Variants in ASTN2 observed in about 807,000 individuals in gnomAD.
ASTN2 encodes astrotactin-2.
A neutral mutation model predicts 139.8 loss-of-function variants in ASTN2; 54 were observed. That is an observed-to-expected ratio of 0.39 (90% CI 0.31 to 0.48). The LOEUF is 0.48. Among genes scored for constraint, ASTN2 ranks in the 20% least tolerant of loss-of-function variants. The probability of loss-of-function intolerance (pLI) is 0.95; values close to 1 mark genes in which losing one functional copy is unlikely to be tolerated. For synonymous variants in ASTN2, 756 were observed against 719.5 expected (o/e 1.05, Z -0.81); for missense variants, 1,565 against 1,725.1 (o/e 0.91, Z 1.64).
intron 19 of ASTN2, among the ~76,000 whole-genome samples, chr9:116,552,992 G>A (rs1220140668): frequency 6.6e-6 from 1 of 152,208 alleles, no homozygotes; most frequent in Non-Finnish European, 1.5e-5. Context: ...ACTCACTACA[G>A]AGAAAGTTCA....
intron 19 of ASTN2, among the ~76,000 whole-genome samples, chr9:116,501,141 C>A (rs574925009): frequency 2.8e-4 from 42 of 152,208 alleles, no homozygotes; most frequent in African/African-American, 9.6e-4. Context: ...GGGAGAAGAA[C>A]CCAAGCTCCA....
chr9:117,230,531 C>T (rs964146485), intron 2 of ASTN2, among the ~76,000 whole-genome samples: 5 of 152,144 alleles, frequency 3.3e-5, no homozygotes, highest in South Asian at 2.1e-4. Context: ...TCTATAAATA[C>T]CTTATTTCCA....
rs71379267 is a variant in ASTN2 at position 117,144,660 on chromosome 9, G to GTTTTTT, written c.1016-3188_1016-3183dup. ...TGACATTTGAGAGGAGTGAACACTA[G>GTTTTTT]TTTTTTTTTTTTTTTTTTTTTTTTT... On this transcript the variant is annotated intron_variant, in intron 3 of 22. Coordinates refer to ENST00000313400, the MANE Select transcript of ASTN2 (RefSeq NM_001365068.1). Among the ~76,000 whole-genome samples, 24 of 78,348 alleles carry GTTTTTT rather than the reference G, an allele frequency of 3.1e-4. 4 individuals carry two copies. The highest frequency in any genetic ancestry group is 9.4e-3 in the Middle Eastern group (1 of 106). 51.4% of individuals were successfully genotyped at this position (78,348 alleles called of 152,430 possible).
At chr9:117,327,138 A>G (rs1199474873) in intron 1 of ASTN2, among the ~76,000 whole-genome samples, 1 of 152,102 alleles carries the variant, frequency 6.6e-6, no homozygotes, top group African/African-American at 2.4e-5. Context: ...GCTCCTATGC[A>G]TATCTAATGC....
intron 1 of ASTN2, among the ~76,000 whole-genome samples, chr9:117,410,040 TTTTC>T (rs1308198815): frequency 2.0e-5 from 3 of 152,190 alleles, no homozygotes; most frequent in Non-Finnish European, 4.4e-5. Context: ...AATGAATAGC[TTTTC>T]TTTCTTCACA....
intron 1 of ASTN2, among the ~76,000 whole-genome samples, chr9:117,354,721 C>T (rs1829489344): frequency 6.6e-6 from 1 of 152,086 alleles, no homozygotes; most frequent in Admixed American, 6.6e-5. Context: ...CAACACAGGC[C>T]TTGCCTGATC....
chr9:117,187,067 C>T (rs990354655), intron 3 of ASTN2, among the ~76,000 whole-genome samples: 2 of 151,946 alleles, frequency 1.3e-5, no homozygotes, highest in African/African-American at 4.8e-5. Context: ...AGGCAGAGGT[C>T]ACAGTGAGCT....
chr9:117,127,239 G>A (rs1829711575), intron 4 of ASTN2, among the ~76,000 whole-genome samples: 3 of 152,200 alleles, frequency 2.0e-5, no homozygotes, highest in African/African-American at 7.2e-5. Flanking sequence ...AACGCAAGAT[G>A]ATTTCTTTGG....
intron 7 of ASTN2, 63 bp from the exon 8 acceptor site, chr9:116,976,848 G>T: frequency 6.8e-7 from 1 of 1,478,598 alleles, no homozygotes. Flanking sequence ...CTTTTCTCTG[G>T]TTTGCTTGTT....
chr9:116,576,871 T>A (rs1853744718), intron 19 of ASTN2, among the ~76,000 whole-genome samples: 1 of 152,164 alleles, frequency 6.6e-6, no homozygotes, highest in African/African-American at 2.4e-5. Flanking sequence ...CATCCCACCC[T>A]TACCTTGCTT....
At chr9:117,381,267 T>C (rs577062364) in intron 1 of ASTN2, among the ~76,000 whole-genome samples, 3 of 152,276 alleles carry the variant, frequency 2.0e-5, no homozygotes, top group East Asian at 3.9e-4. Flanking sequence ...GGGGTTTCTT[T>C]GGAGGTCATG....
rs1438412104 is a variant in ASTN2 at position 116,805,674 on chromosome 9, G to T, written c.2354C>A (p.Thr785Asn). Reference protein sequence around the residue: ...GEMLHGYNNRTQHVNQGQVFQ... With the variant: ...GEMLHGYNNRNQHVNQGQVFQ... ...GACTTGGCCTTGGTTCACATGCTGGGTCCGGTTGTTGTAACCATGTAGCAT... is the reference window on the plus strand; with the variant it reads ...GACTTGGCCTTGGTTCACATGCTGGTTCCGGTTGTTGTAACCATGTAGCAT... Residue 785 changes from threonine (T) to asparagine (N), a missense_variant, in exon 13 of 23, where the codon ACC (threonine) becomes AAC (asparagine). Thr to Asn is a moderately conservative substitution (Grantham distance 65, BLOSUM62 0). This residue lies in a region of ASTN2 where 503 missense variants were observed against 591.7 expected (regional missense o/e 0.85). Coordinates refer to ENST00000313400, the MANE Select transcript of ASTN2 (RefSeq NM_001365068.1). 6 of 1,613,914 alleles carry T rather than the reference G, an allele frequency of 3.7e-6. No homozygotes were observed. The highest frequency in any genetic ancestry group is 5.1e-6 in the Non-Finnish European group (6 of 1,179,830).
At chr9:116,621,639 C>T (rs567675630) in intron 17 of ASTN2, among the ~76,000 whole-genome samples, 1 of 152,214 alleles carries the variant, frequency 6.6e-6, no homozygotes, top group Non-Finnish European at 1.5e-5. Context: ...CATTTCCTTG[C>T]CTATCTCACC....
Position 116,805,698 on chromosome 9 carries a change from A to T in ASTN2, c.2330T>A (p.Met777Lys). ...SKFNDTLFGE[M>K]LHGYNNRTQH... Reference sequence around the variant, plus strand: ...GGTCCGGTTGTTGTAACCATGTAGCATCTCTCCAAAGAGGGTATCATTGAA... The same window carrying T: ...GGTCCGGTTGTTGTAACCATGTAGCTTCTCTCCAAAGAGGGTATCATTGAA... Residue 777 changes from methionine (M) to lysine (K), a missense_variant, in exon 13 of 23, where the codon ATG (methionine) becomes AAG (lysine). Coordinates refer to ENST00000313400, the MANE Select transcript of ASTN2 (RefSeq NM_001365068.1). 1 of 1,613,950 alleles carries T rather than the reference A, an allele frequency of 6.2e-7. No individual in the cohort carries two copies. Among genetic ancestry groups the T allele is most frequent in the Non-Finnish European group, 8.5e-7 (1 of 1,179,858 alleles).
At chr9:116,430,031 G>A (rs902684048) in intron 22 of ASTN2, among the ~76,000 whole-genome samples, 2 of 152,188 alleles carry the variant, frequency 1.3e-5, no homozygotes, top group African/African-American at 2.4e-5. Flanking sequence ...GGAGACCAGT[G>A]AGCTTGGCAG....
At chr9:117,008,855 T>C (rs1294046612) in intron 6 of ASTN2, among the ~76,000 whole-genome samples, 2 of 152,120 alleles carry the variant, frequency 1.3e-5, no homozygotes, top group Non-Finnish European at 2.9e-5. Flanking sequence ...CCTCCTCACC[T>C]AGCTTGTGTT....
chr9:117,174,623 T>C (rs1254733156), intron 3 of ASTN2, among the ~76,000 whole-genome samples: 1 of 151,970 alleles, frequency 6.6e-6, no homozygotes, highest in Non-Finnish European at 1.5e-5. Context: ...AACAAAGATG[T>C]TAAAAAACGT....
chr9:116,640,028 G>A (rs1200347966), intron 17 of ASTN2, among the ~76,000 whole-genome samples: 1 of 151,870 alleles, frequency 6.6e-6, no homozygotes, highest in Non-Finnish European at 1.5e-5. Context: ...GTAGTACCTG[G>A]TTTCATGAAG....
At chr9:117,050,929 C>T (rs548132229) in intron 5 of ASTN2, among the ~76,000 whole-genome samples, 5 of 152,304 alleles carry the variant, frequency 3.3e-5, no homozygotes, top group African/African-American at 1.2e-4. Flanking sequence ...TCCCCTCCCC[C>T]ATATGTTGTC....
Sources: allele counts gnomAD v4.1 joint callset (sites outside exome capture counted in the v4.1 genomes callset), GRCh38; gene constraint gnomAD v4.1.1; regional missense constraint gnomAD v4.1.1; transcripts MANE v1.5; gene names NCBI Gene and HGNC (gene_info 2026-07-23, HGNC 2026-07-21).